SRBD1: variants seen among roughly 807,000 people sequenced by gnomAD.
The protein encoded by SRBD1 is S1 RNA binding domain 1, also known as S1 RNA-binding domain-containing protein 1.
Under a neutral mutation model 115.3 loss-of-function variants are expected in SRBD1, and 88 were observed. The observed-to-expected ratio is 0.76, with a 90% CI of 0.64 to 0.91. The LOEUF is 0.91. Among genes scored for constraint, SRBD1 ranks in the 40% least tolerant of loss-of-function variants. The pLI is 0.00. For missense variants in SRBD1, 1,385 were observed against 1,177.4 expected (o/e 1.18, Z -2.58); for synonymous variants, 509 against 407.7 (o/e 1.25, Z -2.99).
At chr2:45,448,278 C>T (rs1463482832) in intron 16 of SRBD1, among the ~76,000 whole-genome samples, 2 of 152,110 alleles carry the variant, frequency 1.3e-5, no homozygotes, top group Non-Finnish European at 2.9e-5. Flanking sequence ...GGGAAAATAA[C>T]AGCACCTAGC....
intron 16 of SRBD1, among the ~76,000 whole-genome samples, chr2:45,425,896 G>A (rs1668138888): frequency 6.6e-6 from 1 of 152,248 alleles, no homozygotes; most frequent in South Asian, 2.1e-4. Context: ...TCAGGGCCCT[G>A]GGTTTCAAGC....
intron 4 of SRBD1, among the ~76,000 whole-genome samples, chr2:45,593,550 T>C (rs1673790500): frequency 6.6e-6 from 1 of 152,214 alleles, no homozygotes; most frequent in Non-Finnish European, 1.5e-5. Flanking sequence ...CAAAAGGAAA[T>C]TGCTATTTCC....
chr2:45,439,705 T>C (rs972666860), intron 16 of SRBD1, among the ~76,000 whole-genome samples: 5 of 151,574 alleles, frequency 3.3e-5, no homozygotes, highest in African/African-American at 1.2e-4. Context: ...TAAATGTTAG[T>C]AAAAACTCCA....
intron 11 of SRBD1, 116 bp downstream of exon 11, chr2:45,553,507 T>A (rs774129899): frequency 3.5e-6 from 2 of 572,834 alleles, no homozygotes; most frequent in African/African-American, 3.8e-5. Flanking sequence ...TTTGTGATGC[T>A]GACTAAATTC....
At chr2:45,422,687 G>C (rs1410188008) in intron 16 of SRBD1, among the ~76,000 whole-genome samples, 2 of 152,160 alleles carry the variant, frequency 1.3e-5, no homozygotes, top group Non-Finnish European at 2.9e-5. Context: ...ATAATGAAGA[G>C]GTTAAAGAGT....
At chr2:45,426,038 G>A (rs189519433) in intron 16 of SRBD1, among the ~76,000 whole-genome samples, 3 of 152,270 alleles carry the variant, frequency 2.0e-5, no homozygotes, top group Non-Finnish European at 2.9e-5. Context: ...GAGCCAGGGA[G>A]CCAAGTGGTC....
chr2:45,555,758 C>A (rs1672455169), intron 10 of SRBD1, among the ~76,000 whole-genome samples: 1 of 152,124 alleles, frequency 6.6e-6, no homozygotes, highest in Non-Finnish European at 1.5e-5. Context: ...TCCCAAAGTG[C>A]TGGGATTGCA....
chr2:45,561,342 A>G (rs551305103), intron 10 of SRBD1, among the ~76,000 whole-genome samples: 1 of 152,330 alleles, frequency 6.6e-6, no homozygotes, highest in South Asian at 2.1e-4. Context: ...TTACCTATTG[A>G]TTAACATTTA....
intron 1 of SRBD1, among the ~76,000 whole-genome samples, chr2:45,605,877 C>T (rs990785316): frequency 6.9e-6 from 1 of 144,222 alleles, no homozygotes; most frequent in Non-Finnish European, 1.5e-5. Flanking sequence ...GCACTCCAGC[C>T]TGGGCAACAG....
chr2:45,538,465 T>C (rs1671833831), intron 14 of SRBD1, among the ~76,000 whole-genome samples: 1 of 152,348 alleles, frequency 6.6e-6, no homozygotes, highest in Non-Finnish European at 1.5e-5. Context: ...ATCCCGATAG[T>C]GAAGTAGCAT....
chr2:45,545,687 G>GA (rs1487194807), intron 14 of SRBD1, among the ~76,000 whole-genome samples: 2 of 152,076 alleles, frequency 1.3e-5, no homozygotes, highest in African/African-American at 2.4e-5. Flanking sequence ...GAGAAAGAGG[G>GA]AAAAATTCTG....
chr2:45,602,005 C>T lies in SRBD1; in HGVS notation c.159G>A (p.Gln53=), dbSNP rs1674108381. The stretch of plus-strand genomic sequence containing the variant: ...TTGGTTTGGATTCCTTGGGAGGGGG[C>T]TGTTTACGGCTTCTGGGAACTTTCT... ...PQKKVPRSRK[Q]PPPKESKPKR... The change falls in exon 3 of 21, where the codon CAG becomes CAA. Residue 53 remains glutamine, a synonymous_variant. Coordinates refer to ENST00000263736, the MANE Select transcript of SRBD1 (RefSeq NM_018079.5). 1.2e-6 allele frequency: 2 copies of T among 1,614,102 alleles called. No homozygotes were observed. Among genetic ancestry groups the T allele is most frequent in the African/African-American group, 1.3e-5 (1 of 74,942 alleles).
At chr2:45,459,198 A>C (rs1669240856) in intron 16 of SRBD1, among the ~76,000 whole-genome samples, 1 of 152,188 alleles carries the variant, frequency 6.6e-6, no homozygotes, top group African/African-American at 2.4e-5. Context: ...CAAGTAAAAC[A>C]CTATAGACTT....
At chr2:45,501,124 A>T (rs1224105222) in intron 14 of SRBD1, among the ~76,000 whole-genome samples, 1 of 152,158 alleles carries the variant, frequency 6.6e-6, no homozygotes, top group Admixed American at 6.5e-5. Flanking sequence ...CTTTTTCAGC[A>T]TCTATTGAAA....
At chr2:45,404,824 T>G (rs547038715) in intron 19 of SRBD1, among the ~76,000 whole-genome samples, 2 of 152,184 alleles carry the variant, frequency 1.3e-5, no homozygotes, top group South Asian at 4.1e-4. Context: ...CAATCTCCTA[T>G]TTTTCTCTCC....
chr2:45,479,235 T>G (rs967497024), intron 15 of SRBD1, among the ~76,000 whole-genome samples: 1 of 152,090 alleles, frequency 6.6e-6, no homozygotes, highest in Non-Finnish European at 1.5e-5. Context: ...AACCCTACAA[T>G]GGCCTCTTAA....
At chr2:45,489,727 A>G (rs1670235281) in intron 14 of SRBD1, among the ~76,000 whole-genome samples, 1 of 152,140 alleles carries the variant, frequency 6.6e-6, no homozygotes, top group South Asian at 2.1e-4. Context: ...AGTATGCCCA[A>G]GATCATATAG....
intron 8 of SRBD1, 137 bp from the exon 9 acceptor site, chr2:45,573,479 T>C (rs570461334): frequency 1.2e-5 from 11 of 944,210 alleles, no homozygotes; most frequent in African/African-American, 3.4e-5. Context: ...AGCTATGAAA[T>C]TGATATTACT....
At chr2:45,573,179 A>C in intron 9 of SRBD1, 28 bp downstream of exon 9, 1 of 1,558,956 alleles carries the variant, frequency 6.4e-7, no homozygotes, top group Non-Finnish European at 8.6e-7. Context: ...TTACGAAATC[A>C]GCATGCACAT....
Sources: allele counts gnomAD v4.1 joint callset (sites outside exome capture counted in the v4.1 genomes callset), GRCh38; gene constraint gnomAD v4.1.1; transcripts MANE v1.5; gene names NCBI Gene and HGNC (gene_info 2026-07-23, HGNC 2026-07-21).